LIPA: variants seen among roughly 807,000 people sequenced by gnomAD.
LIPA encodes the protein lysosomal acid lipase/cholesteryl ester hydrolase.
LIPA carries 26 observed loss-of-function variants against 40.6 expected under a neutral mutation model. The ratio of observed to expected loss-of-function variants is 0.64; its 90% CI spans 0.47 to 0.89. The LOEUF (loss-of-function observed/expected upper bound fraction) is 0.89. Among genes scored for constraint, LIPA ranks in the 40% least tolerant of loss-of-function variants. The probability of loss-of-function intolerance (pLI) is 0.00; values close to 1 mark genes in which losing one functional copy is unlikely to be tolerated. For missense variants in LIPA, 455 were observed against 479.6 expected, an observed-to-expected ratio of 0.95 and a Z score of 0.48; for synonymous variants, 188 against 168.4, an observed-to-expected ratio of 1.12 and a Z score of -0.90.
chr10:89,385,248 C>G (rs1844202070), intron 2 of LIPA: 1 of 153,198 alleles, frequency 6.5e-6, no homozygotes, highest in Non-Finnish European at 1.5e-5. Flanking sequence ...ACAGTCTTTC[C>G]CAATTGCTGC....
chr10:89,325,629 C>T (rs552944687), intron 1 of LIPA, among the ~76,000 whole-genome samples: 1 of 152,256 alleles, frequency 6.6e-6, no homozygotes, highest in Non-Finnish European at 1.5e-5. Flanking sequence ...AAACCAAATA[C>T]TGCATGTTCT....
chr10:89,230,295 T>C (rs1298792864), intron 3 of LIPA, among the ~76,000 whole-genome samples: 2 of 152,176 alleles, frequency 1.3e-5, no homozygotes, highest in African/African-American at 4.8e-5. Context: ...ACCATGAGTT[T>C]TATCCACTTA....
intron 2 of LIPA, among the ~76,000 whole-genome samples, chr10:89,396,463 G>T (rs567434987): frequency 6.6e-6 from 1 of 152,264 alleles, no homozygotes; most frequent in African/African-American, 2.4e-5. Context: ...TACAAAGAGG[G>T]TCTAAACCCA....
intron 1 of LIPA, among the ~76,000 whole-genome samples, chr10:89,272,069 T>G (rs1640282369): frequency 6.7e-6 from 1 of 148,760 alleles, no homozygotes; most frequent in Non-Finnish European, 1.5e-5. Flanking sequence ...AGACTCTGTC[T>G]TAAAAAAAAA....
chr10:89,245,563 T>C (rs1039072361), intron 3 of LIPA, 113 bp downstream of exon 3: 2 of 759,778 alleles, frequency 2.6e-6, no homozygotes, highest in Admixed American at 1.7e-5. Flanking sequence ...ACACAGTTAG[T>C]GCTTTCGTCT....
rs138555864 is a variant in LIPA at position 89,311,226 on chromosome 10, T to A, written c.-2+31385A>T. Among the ~76,000 whole-genome samples, 265 of 152,190 alleles carry A rather than the reference T, an allele frequency of 1.7e-3. 3 individuals carry two copies. The highest frequency in any genetic ancestry group is 5.9e-3 in the African/African-American group (244 of 41,518). ...CTAATTTGTCATCAAGCACTACATTTAAAAACTCAAACCTGGCTGGGCGTG... is the reference window on the plus strand; with the variant it reads ...CTAATTTGTCATCAAGCACTACATTAAAAAACTCAAACCTGGCTGGGCGTG... On this transcript the variant is annotated intron_variant, in intron 1 of 5. Coordinates refer to the LIPA transcript ENST00000282673.
chr10:89,356,748 A>G (rs1360203273), intron 2 of LIPA, among the ~76,000 whole-genome samples: 2 of 152,248 alleles, frequency 1.3e-5, no homozygotes, highest in Admixed American at 1.3e-4. Context: ...AAAGTGCACA[A>G]TAAATGTAAT....
In LIPA at chr10:89,218,555, G is replaced by A. The variant is rs558032406; in HGVS notation, c.895-2546C>T. Among the ~76,000 whole-genome samples the A allele has an allele frequency of 1.9e-4, 29 of 152,196 alleles. No individual in the cohort carries two copies. In the South Asian group the frequency reaches 5.4e-3, roughly 28 times the overall value. On this transcript the variant is annotated intron_variant, in intron 8 of 9. Transcript: ENST00000336233. Reference sequence around the variant, plus strand: ...AGAAACCACATCCTCATCCTCCTGCGAGCAGCCAGGCTATGGCCATACCGC... The same window carrying A: ...AGAAACCACATCCTCATCCTCCTGCAAGCAGCCAGGCTATGGCCATACCGC...
intron 8 of LIPA, among the ~76,000 whole-genome samples, chr10:89,218,768 C>T (rs946503127): frequency 6.6e-6 from 1 of 152,170 alleles, no homozygotes; most frequent in African/African-American, 2.4e-5. Flanking sequence ...TGGAACACAG[C>T]CAAAACCCCC....
chr10:89,376,494 G>C (rs1844122756), intron 2 of LIPA, among the ~76,000 whole-genome samples: 1 of 152,128 alleles, frequency 6.6e-6, no homozygotes, highest in Non-Finnish European at 1.5e-5. Flanking sequence ...GAAAGGTCAG[G>C]AGCAGTAACT....
chr10:89,374,215 G>T (rs2061119567), intron 2 of LIPA, among the ~76,000 whole-genome samples: 1 of 152,344 alleles, frequency 6.6e-6, no homozygotes, highest in African/African-American at 2.4e-5. Context: ...AATGTTGATA[G>T]TGGTTAAGTT....
intron 6 of LIPA, among the ~76,000 whole-genome samples, chr10:89,224,541 G>A (rs566514944): frequency 6.6e-6 from 1 of 152,266 alleles, no homozygotes; most frequent in Non-Finnish European, 1.5e-5. Flanking sequence ...AGAACATCTG[G>A]TCTTACCTAG....
intron 2 of LIPA, among the ~76,000 whole-genome samples, chr10:89,359,813 T>TCA (rs1266622568): frequency 5.1e-4 from 66 of 128,520 alleles, no homozygotes; most frequent in East Asian, 1.8e-3. Flanking sequence ...TCTCTCTCTC[T>TCA]CTCACACACA....
At chr10:89,232,145 A>G (rs982596121) in intron 3 of LIPA, among the ~76,000 whole-genome samples, 2 of 152,212 alleles carry the variant, frequency 1.3e-5, no homozygotes, top group Non-Finnish European at 2.9e-5. Context: ...AAAAATGTGT[A>G]ACTACAGGCA....
At chr10:89,314,710 G>T (rs546449795) in intron 1 of LIPA, 21 of 152,304 alleles carry the variant, frequency 1.4e-4, no homozygotes, top group African/African-American at 5.1e-4. Context: ...GATGCAGAAT[G>T]TTATTCAGTC....
intron 2 of LIPA, among the ~76,000 whole-genome samples, chr10:89,350,106 C>G (rs1417519196): frequency 1.3e-5 from 2 of 152,026 alleles, no homozygotes; most frequent in Non-Finnish European, 2.9e-5. Flanking sequence ...TTTGTCTGGC[C>G]ACTTCTCTAC....
intron 3 of LIPA, among the ~76,000 whole-genome samples, chr10:89,230,926 G>A (rs1439973604): frequency 2.6e-5 from 4 of 152,114 alleles, no homozygotes; most frequent in South Asian, 2.1e-4. Flanking sequence ...ACTGACACAC[G>A]GGTCACAGTG....
intron 1 of LIPA, among the ~76,000 whole-genome samples, chr10:89,330,183 G>C (rs1373844488): frequency 6.6e-6 from 1 of 152,188 alleles, no homozygotes. Flanking sequence ...CTGACAAGTG[G>C]GCACTGTGTT....
At chr10:89,276,988 T>TA (rs1466363865) in intron 1 of LIPA, among the ~76,000 whole-genome samples, 1 of 152,186 alleles carries the variant, frequency 6.6e-6, no homozygotes, top group Non-Finnish European at 1.5e-5. Context: ...GCTGAATCCC[T>TA]AGTACTCACC....
Sources: allele counts gnomAD v4.1 joint callset (sites outside exome capture counted in the v4.1 genomes callset), GRCh38; gene constraint gnomAD v4.1.1; transcripts MANE v1.5; gene names NCBI Gene and HGNC (gene_info 2026-07-23, HGNC 2026-07-21).